Variants in DPYD observed in about 807,000 individuals in gnomAD.
DPYD encodes the protein dihydropyrimidine dehydrogenase [NADP(+)].
A neutral mutation model predicts 116.2 loss-of-function variants in DPYD; 109 were observed. The observed-to-expected ratio is 0.94, with a 90% confidence interval of 0.80 to 1.10. The LOEUF is 1.10. DPYD is among the 50% of genes least tolerant of loss of function. DPYD has a pLI of 0.00. For synonymous variants in DPYD, 440 were observed against 432.0 expected (o/e 1.02, Z -0.23); for missense variants, 1,302 against 1,254.5 (o/e 1.04, Z -0.57).
chr1:97,546,820 T>A (rs911770075), intron 12 of DPYD: 2 of 1,612,640 alleles, frequency 1.2e-6, no homozygotes, highest in South Asian at 2.2e-5. Context: ...ACCATTGAAG[T>A]TGGAAGTTCA....
At chr1:97,103,554 G>C (rs1650912320) in intron 20 of DPYD, among the ~76,000 whole-genome samples, 1 of 152,100 alleles carries the variant, frequency 6.6e-6, no homozygotes, top group African/African-American at 2.4e-5. Flanking sequence ...AGTTTAACCT[G>C]ATAAATGTAA....
chr1:97,853,179 C>T (rs10747489), intron 2 of DPYD, among the ~76,000 whole-genome samples: 109,790 of 152,118 alleles, frequency 0.72, 40,244 homozygotes, highest in East Asian at 0.92. Flanking sequence ...ATGTCTGTTG[C>T]ATAACCCAGT....
At chr1:97,560,242 A>T (rs1652044641) in intron 11 of DPYD, among the ~76,000 whole-genome samples, 1 of 152,200 alleles carries the variant, frequency 6.6e-6, no homozygotes, top group African/African-American at 2.4e-5. Flanking sequence ...AAAGCTAGAG[A>T]ATAATTCCTC....
At chr1:97,670,459 G>A (rs1452472195) in intron 8 of DPYD, among the ~76,000 whole-genome samples, 1 of 152,098 alleles carries the variant, frequency 6.6e-6, no homozygotes, top group African/African-American at 2.4e-5. Context: ...TTTCCATGCG[G>A]ATAAACCAAG....
intron 13 of DPYD, chr1:97,514,088 T>C (rs1648022220): frequency 8.0e-6 from 5 of 621,674 alleles, no homozygotes; most frequent in Non-Finnish European, 1.0e-5. Context: ...TTTCCATTTG[T>C]TCATAACTCC....
intron 20 of DPYD, among the ~76,000 whole-genome samples, chr1:97,173,295 CATATGTACATAT>C (rs1656923357): frequency 2.4e-5 from 3 of 127,524 alleles, no homozygotes; most frequent in African/African-American, 8.2e-5. Flanking sequence ...TATATGTACA[CATATGTACATAT>C]ATATGCACAC....
At chr1:97,291,885 T>G (rs1284644046) in intron 18 of DPYD, among the ~76,000 whole-genome samples, 1 of 152,172 alleles carries the variant, frequency 6.6e-6, no homozygotes, top group Non-Finnish European at 1.5e-5. Flanking sequence ...TTCCTATATT[T>G]GAATTACTAG....
chr1:97,897,224 C>G (rs1673120167), intron 1 of DPYD, among the ~76,000 whole-genome samples: 1 of 151,844 alleles, frequency 6.6e-6, no homozygotes, highest in African/African-American at 2.4e-5. Context: ...CTTTAAATGT[C>G]TTCTCACTTG....
chr1:97,584,268 T>C (rs1653923033), intron 10 of DPYD, among the ~76,000 whole-genome samples: 1 of 152,250 alleles, frequency 6.6e-6, no homozygotes, highest in South Asian at 2.1e-4. Flanking sequence ...GTTGTTTTTT[T>C]CTTGTAAATT....
At chr1:97,110,230 A>G (rs1177667158) in intron 20 of DPYD, among the ~76,000 whole-genome samples, 1 of 152,130 alleles carries the variant, frequency 6.6e-6, no homozygotes, top group Non-Finnish European at 1.5e-5. Flanking sequence ...TGTCTAGTAC[A>G]TGCTATGCGC....
intron 16 of DPYD, among the ~76,000 whole-genome samples, chr1:97,325,661 AC>A (rs1668672138): frequency 6.6e-6 from 1 of 152,022 alleles, no homozygotes; most frequent in Non-Finnish European, 1.5e-5. Context: ...CTTTTTATTA[AC>A]TTCTAGAGTG....
intron 19 of DPYD, among the ~76,000 whole-genome samples, chr1:97,206,654 A>AT (rs1659633575): frequency 6.7e-5 from 5 of 74,982 alleles, no homozygotes; most frequent in Admixed American, 6.5e-4. Context: ...ATATATATAT[A>AT]TATATATATA....
chr1:97,108,228 G>T (rs528683276), intron 20 of DPYD, among the ~76,000 whole-genome samples: 1 of 152,228 alleles, frequency 6.6e-6, no homozygotes, highest in South Asian at 2.1e-4. Flanking sequence ...ATTAGGAGAT[G>T]GGGCTCTGAT....
At chr1:97,080,095 C>T (rs967402667) in intron 22 of DPYD, among the ~76,000 whole-genome samples, 7 of 151,930 alleles carry the variant, frequency 4.6e-5, no homozygotes, top group East Asian at 1.9e-4. Flanking sequence ...AGGGCAGCTA[C>T]GTAGGGGTGG....
In DPYD at chr1:97,241,238, A is replaced by G. The variant is rs187109211; in HGVS notation, c.2300-6244T>C. The stretch of plus-strand genomic sequence containing the variant: ...GCATTTATTTTTACCAAGAGAATTA[A>G]TAACATTCACCAAAGAGGGCCATTC... On this transcript the variant is annotated intron_variant, in intron 18 of 22. Coordinates refer to ENST00000370192, the MANE Select transcript of DPYD (RefSeq NM_000110.4). Among the ~76,000 whole-genome samples the G allele has an allele frequency of 5.3e-4, 80 of 152,074 alleles. 1 individual carries two copies. Among genetic ancestry groups the G allele is most frequent in the Admixed American group, 4.6e-3 (70 of 15,248 alleles).
At chr1:97,288,748 T>C (rs1228630018) in intron 18 of DPYD, among the ~76,000 whole-genome samples, 3 of 148,112 alleles carry the variant, frequency 2.0e-5, no homozygotes, top group Non-Finnish European at 3.0e-5. Flanking sequence ...AGATCCAAAA[T>C]TGACACCCTA....
At position 97,152,846 on chromosome 1, in the gene DPYD, A is replaced by C. The variant is rs183872654; in HGVS notation, c.2622+40223T>G. On this transcript the variant is annotated intron_variant, in intron 20 of 22. Transcript: ENST00000370192. ...TCATGGTTGCGTTTTCCCACTGATA[A>C]AGTAGAATTTTAAATATAACTTGTC... Among the ~76,000 whole-genome samples, 164 of 152,120 alleles carry C rather than the reference A, an allele frequency of 1.1e-3. 1 individual carries two copies. The highest frequency in any genetic ancestry group is 3.9e-3 in the African/African-American group (163 of 41,510).
At chr1:97,319,380 T>TA (rs1187704056) in intron 16 of DPYD, among the ~76,000 whole-genome samples, 1 of 130,364 alleles carries the variant, frequency 7.7e-6, no homozygotes, top group African/African-American at 2.9e-5. Context: ...ATAGACACAA[T>TA]AAAAAATGAT....
intron 8 of DPYD, among the ~76,000 whole-genome samples, chr1:97,610,959 C>A (rs965065768): frequency 6.6e-6 from 1 of 150,778 alleles, no homozygotes; most frequent in Non-Finnish European, 1.5e-5. Flanking sequence ...AACTATATAT[C>A]GGTGTGTTTG....
Sources: allele counts gnomAD v4.1 joint callset (sites outside exome capture counted in the v4.1 genomes callset), GRCh38; gene constraint gnomAD v4.1.1; transcripts MANE v1.5; gene names NCBI Gene and HGNC (gene_info 2026-07-23, HGNC 2026-07-21).